Variants in GREB1 observed in about 807,000 individuals in gnomAD.
GREB1 encodes growth regulating estrogen receptor binding 1.
Under a neutral mutation model 200.7 loss-of-function variants are expected in GREB1, and 106 were observed. That is an observed-to-expected ratio of 0.53 (90% confidence interval 0.45 to 0.62). GREB1 has a LOEUF of 0.62. Ranked by LOEUF, GREB1 falls within the 20% of genes least tolerant of loss-of-function variation. GREB1 has a pLI of 0.00. For synonymous variants in GREB1, 1,132 were observed against 1,092.4 expected (o/e 1.04, Z -0.72); for missense variants, 2,243 against 2,556.8 (o/e 0.88, Z 2.65).
intron 23 of GREB1, among the ~76,000 whole-genome samples, chr2:11,622,445 G>C (rs994040631): frequency 6.6e-6 from 1 of 152,188 alleles, no homozygotes; most frequent in Non-Finnish European, 1.5e-5. Flanking sequence ...CTCTGCCCAT[G>C]TGTGTACTAT....
At chr2:11,506,555 T>C (rs138610765) in intron 1 of GREB1, among the ~76,000 whole-genome samples, 2 of 152,326 alleles carry the variant, frequency 1.3e-5, no homozygotes, top group East Asian at 3.9e-4. Flanking sequence ...TTTATTATTT[T>C]CTATTAGACC....
intron 26 of GREB1, among the ~76,000 whole-genome samples, chr2:11,630,730 G>C (rs1321003824): frequency 2.6e-5 from 4 of 152,134 alleles, no homozygotes. Flanking sequence ...CTCTCTAAAA[G>C]ACACATTTCC....
chr2:11,615,321 C>T, intron 20 of GREB1, 31 bp downstream of exon 20: 1 of 1,517,934 alleles, frequency 6.6e-7, no homozygotes, highest in Non-Finnish European at 9.0e-7. Flanking sequence ...GCCTACTTGT[C>T]CCTGTCTGCA....
intron 8 of GREB1, among the ~76,000 whole-genome samples, 157 bp from the exon 9 acceptor site, chr2:11,585,605 C>T (rs61052520): frequency 0.06 from 9,121 of 152,212 alleles, 881 homozygotes; most frequent in African/African-American, 0.21. Flanking sequence ...TTAAAGGTGC[C>T]GTTGACCTTA....
chr2:11,532,390 G>T (rs1674106674), upstream of GREB1, among the ~76,000 whole-genome samples: 1 of 152,166 alleles, frequency 6.6e-6, no homozygotes, highest in Non-Finnish European at 1.5e-5. Context: ...TGGTTTCCTT[G>T]ATCAGGGCTT....
chr2:11,602,774 G>A (rs906874831), intron 17 of GREB1, among the ~76,000 whole-genome samples: 39 of 152,172 alleles, frequency 2.6e-4, no homozygotes, highest in African/African-American at 5.3e-4. Context: ...GACAATGAGC[G>A]GAAATATGCT....
chr2:11,540,424 T>G (rs1463213586), intron 1 of GREB1, among the ~76,000 whole-genome samples: 1 of 152,250 alleles, frequency 6.6e-6, no homozygotes, highest in African/African-American at 2.4e-5. Flanking sequence ...TTCAGTGGTT[T>G]CTGCTTCCCT....
chr2:11,599,190 C>G (rs564329204), intron 15 of GREB1, among the ~76,000 whole-genome samples: 2 of 152,256 alleles, frequency 1.3e-5, no homozygotes, highest in African/African-American at 4.8e-5. Context: ...TGATGTGTTT[C>G]TTTCATAGTC....
At chr2:11,545,518 T>G (rs941258159) in intron 1 of GREB1, among the ~76,000 whole-genome samples, 1 of 152,200 alleles carries the variant, frequency 6.6e-6, no homozygotes, top group African/African-American at 2.4e-5. Context: ...ACCCAAAGTT[T>G]GGAGCATGGC....
At chr2:11,588,051 C>T (rs1019839059) in intron 9 of GREB1, 1 of 649,360 alleles carries the variant, frequency 1.5e-6, no homozygotes, top group African/African-American at 2.0e-5. Flanking sequence ...CATGGTGAAA[C>T]CTTGTCTCTA....
rs887355811 is a variant in GREB1 at position 11,490,583 on chromosome 2, C to G, written c.-159+8202C>G. Among the ~76,000 whole-genome samples the G allele has an allele frequency of 2.0e-5, 3 of 152,232 alleles. No individual in the cohort carries two copies. The East Asian group carries it at 5.8e-4, about 29-fold the overall frequency. On this transcript the variant is annotated intron_variant, in intron 1 of 2. Coordinates refer to the GREB1 transcript ENST00000628795. ...TTCTTTTTTGAGACAGAGTCTCACT[C>G]TGTTGCCCAGGCTGGAGTGCAGTGG...
intron 13 of GREB1, 124 bp downstream of exon 13, chr2:11,596,363 CA>C: frequency 1.6e-6 from 1 of 614,474 alleles, no homozygotes; most frequent in South Asian, 2.3e-5. Flanking sequence ...AGTGAGGGGG[CA>C]GGGGCACAGA....
chr2:11,576,195 T>C (rs1049698837), intron 4 of GREB1, among the ~76,000 whole-genome samples, 158 bp from the exon 5 acceptor site: 1 of 151,874 alleles, frequency 6.6e-6, no homozygotes, highest in African/African-American at 2.4e-5. Context: ...TAATCCCAGC[T>C]ATTCAGGAGG....
chr2:11,552,272 G>A (rs184048781), intron 1 of GREB1, among the ~76,000 whole-genome samples: 40 of 152,356 alleles, frequency 2.6e-4, no homozygotes, highest in African/African-American at 8.9e-4. Context: ...TGGAATGCAG[G>A]CGTTGGATGT....
intron 4 of GREB1, among the ~76,000 whole-genome samples, chr2:11,566,877 A>G (rs1677724597): frequency 6.6e-6 from 1 of 152,188 alleles, no homozygotes; most frequent in Admixed American, 6.5e-5. Context: ...AAAGCTCACC[A>G]TTTAGCATTC....
chr2:11,501,663 G>A (rs536471340), intron 1 of GREB1, among the ~76,000 whole-genome samples: 37 of 152,114 alleles, frequency 2.4e-4, no homozygotes, highest in Admixed American at 8.5e-4. Flanking sequence ...TAAACTGCTG[G>A]TATTACAGAC....
At chr2:11,587,332 A>T (rs751839411) in intron 9 of GREB1, 1 of 1,318,402 alleles carries the variant, frequency 7.6e-7, no homozygotes, top group African/African-American at 1.5e-5. Flanking sequence ...GACAAATGTC[A>T]CATACTTGCC....
rs1680888512 is a variant in GREB1 at position 11,592,973 on chromosome 2, A to G, written c.1543A>G (p.Ser515Gly). ...ASLAASSCNDSVHVIECAYSL... is the reference protein window; with the variant it reads ...ASLAASSCNDGVHVIECAYSL... ...CCTGGCCGCCAGCTCCTGCAACGACAGCGTGCACGTCATCGAGTGTGCTTA... is the reference window on the plus strand; with the variant it reads ...CCTGGCCGCCAGCTCCTGCAACGACGGCGTGCACGTCATCGAGTGTGCTTA... The change falls in exon 11 of 33, where the codon AGC (serine) becomes GGC (glycine). Residue 515 changes from serine (S) to glycine (G), a missense_variant. This residue lies in a region of GREB1 where 1,178 missense variants were observed against 1,387.4 expected (regional missense o/e 0.85). Coordinates refer to ENST00000381486, the MANE Select transcript of GREB1 (RefSeq NM_014668.4). The G allele has an allele frequency of 6.2e-7, 1 of 1,602,426 alleles. No homozygotes were observed. The highest frequency in any genetic ancestry group is 1.3e-5 in the African/African-American group (1 of 74,626).
chr2:11,565,428 A>G (rs906888652), intron 3 of GREB1, among the ~76,000 whole-genome samples: 1 of 152,168 alleles, frequency 6.6e-6, no homozygotes, highest in African/African-American at 2.4e-5. Flanking sequence ...GAAAGTCTTC[A>G]TGACCTCCTG....
Sources: gnomAD v4.1 joint callset for allele counts (sites outside exome capture counted in the v4.1 genomes callset) on GRCh38, gnomAD v4.1.1 for gene constraint, gnomAD v4.1.1 regional missense constraint, MANE v1.5 for transcripts, NCBI Gene and HGNC (gene_info 2026-07-23, HGNC 2026-07-21) for gene names.